Variants in ZNF219 observed in about 807,000 individuals in gnomAD.
ZNF219 encodes the protein zinc finger protein 219.
ZNF219 carries 17 observed loss-of-function variants against 54.4 expected under a neutral mutation model. That is an observed-to-expected ratio of 0.31 (90% CI 0.21 to 0.47). ZNF219 has a LOEUF of 0.47. ZNF219 is among the 20% of genes least tolerant of loss of function. The pLI, the probability that ZNF219 is intolerant of heterozygous loss-of-function variation, is 1.00. For synonymous variants in ZNF219, 518 were observed against 476.4 expected (o/e 1.09, Z -1.14); for missense variants, 1,014 against 1,062.3 (o/e 0.95, Z 0.63).
chr14:21,098,964 C>A, upstream of ZNF219: 2 of 703,966 alleles, frequency 2.8e-6, no homozygotes, highest in East Asian at 1.9e-4. Context: ...TTAATGTCGG[C>A]CGTATAAGAA....
chr14:21,094,381 C>T (rs749971652), intron 1 of ZNF219: 2 of 455,892 alleles, frequency 4.4e-6, no homozygotes, highest in South Asian at 3.1e-5. Flanking sequence ...GGGCTAAAAA[C>T]TGCAAATACC....
Position 21,092,591 on chromosome 14 carries a change from G to A in ZNF219, c.706C>T (p.Pro236Ser). The change falls in exon 3 of 5, where the codon CCC becomes TCC. Residue 236 changes from proline (P) to serine (S), a missense_variant. Pro to Ser is a moderately conservative substitution (Grantham distance 74, BLOSUM62 -1). This residue lies in a region of ZNF219 where 395 missense variants were observed against 415.1 expected (regional missense o/e 0.95). Transcript: ENST00000360947. ...GGGACTGATCTGGGTTCGGGCTGGG[G>A]TGGAGGCTGAGGCTGAGGCTGAGGC... is the stretch of plus-strand genomic sequence containing the variant. ...PPPQPQPQPPPQPEPRSVPQP... is the reference protein window; with the variant it reads ...PPPQPQPQPPSQPEPRSVPQP... 2 of 1,541,544 alleles carry A rather than the reference G, an allele frequency of 1.3e-6. No homozygotes were observed. Among genetic ancestry groups the A allele is most frequent in the Non-Finnish European group, 1.7e-6 (2 of 1,145,694 alleles).
At chr14:21,094,735 G>GGGGGC (rs1266434149) in intron 1 of ZNF219, among the ~76,000 whole-genome samples, 2 of 85,114 alleles carry the variant, frequency 2.3e-5, no homozygotes, top group Non-Finnish European at 5.2e-5. Context: ...TTGGGGGGGG[G>GGGGGC]GGCGGGTGCT....
rs371532876 is a variant in ZNF219, at chr14:21,092,627, C to A, written c.670G>T (p.Ala224Ser). The A allele has an allele frequency of 1.3e-6, 2 of 1,556,728 alleles. No homozygotes were observed. Among genetic ancestry groups the A allele is most frequent in the East Asian group, 2.3e-5 (1 of 42,646 alleles). The stretch of plus-strand genomic sequence containing the variant: ...GGCTGAGGCTGAGGCGGAGGCGCAG[C>A]GGAGGTGGCCGCCAGGGGACGCTCG... ...APERPLAATS[A>S]APPPQPQPQP... Residue 224 changes from alanine to serine, a missense_variant, in exon 3 of 5, where the codon GCT becomes TCT. Transcript: ENST00000360947.
chr14:21,093,417 G>A (rs970547962), intron 2 of ZNF219, 127 bp from the exon 3 acceptor site: 21 of 1,456,784 alleles, frequency 1.4e-5, no homozygotes, highest in Non-Finnish European at 1.9e-5. Flanking sequence ...AGGAACACAG[G>A]GTGCTACTCA....
At chr14:21,101,766 G>A, upstream of ZNF219, 1 of 932,842 alleles carries the variant, frequency 1.1e-6, no homozygotes, top group Non-Finnish European at 1.6e-6. Context: ...CCTCCACCCT[G>A]CATTCAATCC....
Position 21,092,519 on chromosome 14 carries a change from G to A in ZNF219, c.778C>T (p.Pro260Ser). ...PEPEREATPT[P>S]APAAPEEPPA... ...GGCTCCTCGGGAGCGGCAGGAGCTG[G>A]GGTCGGGGTTGCCTCACGTTCGGGC... The change falls in exon 3 of 5, where the codon CCA (proline) becomes TCA (serine). Residue 260 changes from proline (P) to serine (S), a missense_variant. By Grantham distance (74) the Pro-to-Ser change is moderately conservative. This residue lies in a region of ZNF219 where 395 missense variants were observed against 415.1 expected (regional missense o/e 0.95). Transcript: ENST00000360947. 1.9e-6 allele frequency: 3 copies of A among 1,550,146 alleles called. No homozygotes were observed. The highest frequency in any genetic ancestry group is 2.6e-6 in the Non-Finnish European group (3 of 1,146,748).
intron 1 of ZNF219, chr14:21,097,266 G>T (rs1414901094): frequency 6.6e-6 from 1 of 152,280 alleles, no homozygotes; most frequent in Non-Finnish European, 1.5e-5. Flanking sequence ...TTAGGGACAT[G>T]GAACCTCAGC....
upstream of ZNF219, chr14:21,103,542 T>C: frequency 5.0e-6 from 2 of 399,812 alleles, no homozygotes; most frequent in Non-Finnish European, 9.1e-6. Flanking sequence ...TCTGTCCACC[T>C]TTCATAATCC....
upstream of ZNF219, chr14:21,103,210 G>C: frequency 1.3e-6 from 2 of 1,551,708 alleles, no homozygotes; most frequent in South Asian, 2.4e-5. Context: ...GAGCAAATGA[G>C]AGGGTGGGAC....
Position 21,093,285 on chromosome 14 carries a change from T to C in ZNF219, c.12A>G (p.Ser4=), listed in dbSNP as rs756425958. 2 of 1,579,106 alleles carry C rather than the reference T, an allele frequency of 1.3e-6. No homozygotes were observed. The highest frequency in any genetic ancestry group is 1.7e-6 in the Non-Finnish European group (2 of 1,170,632). Residue 4 remains serine (S), a synonymous_variant, in exon 3 of 5, where the codon TCA becomes TCG. Transcript: ENST00000360947. ...AGTGGCCGCTCGGGGCGCGGGGACG[T>C]GAGCCCTGTGGAGAAAGATCTGCGT... is the stretch of plus-strand genomic sequence containing the variant. MEG[S]RPRAPSGHLA...
chr14:21,093,746 A>C, intron 1 of ZNF219, 72 bp from the exon 2 acceptor site: 1 of 1,373,724 alleles, frequency 7.3e-7, no homozygotes, highest in Non-Finnish European at 1.0e-6. Context: ...CCCTACCCCC[A>C]GACTCTCAGC....
chr14:21,101,941 T>C (rs942716993), upstream of ZNF219: 8 of 1,551,544 alleles, frequency 5.2e-6, no homozygotes, highest in African/African-American at 8.2e-5. Context: ...GATTGTCACA[T>C]GGCCACAGCG....
chr14:21,102,463 T>C (rs949558369), upstream of ZNF219: 2 of 1,551,586 alleles, frequency 1.3e-6, no homozygotes, highest in Middle Eastern at 1.7e-4. Context: ...ATAGTGGTGG[T>C]GGTCGAGGTG....
Position 21,092,950 on chromosome 14 carries a change from G to A in ZNF219, c.347C>T (p.Ala116Val). ...TTCCAACTCCAGCAACAGGCGTGCA[G>A]CAGGACTACGTGGGCGCTCGGGCTG... ...THQPERPRSP[A>V]ARLLLELEER... is the part of the protein sequence containing the mutation. Residue 116 changes from alanine to valine, a missense_variant, in exon 3 of 5, where the codon GCT (alanine) becomes GTT (valine). By Grantham distance (64) the Ala-to-Val change is moderately conservative (BLOSUM62 0). Coordinates refer to ENST00000360947, the MANE Select transcript of ZNF219 (RefSeq NM_016423.3). 6.3e-7 allele frequency: 1 copy of A among 1,581,516 alleles called. No homozygotes were observed. Among genetic ancestry groups the A allele is most frequent in the Non-Finnish European group, 8.6e-7 (1 of 1,165,638 alleles).
upstream of ZNF219, chr14:21,101,138 A>G (rs1889598823): frequency 1.3e-5 from 6 of 478,692 alleles, no homozygotes; most frequent in South Asian, 1.3e-4. Context: ...TAGGAGACCT[A>G]GGACCCAGCT....
upstream of ZNF219, chr14:21,101,501 A>C: frequency 6.8e-7 from 1 of 1,478,672 alleles, no homozygotes; most frequent in Non-Finnish European, 9.2e-7. Context: ...ACTTCTACCC[A>C]ATTCAATTCC....
At chr14:21,101,212 C>A (rs550584769), upstream of ZNF219, 2 of 814,438 alleles carry the variant, frequency 2.5e-6, no homozygotes, top group African/African-American at 1.7e-5. Flanking sequence ...GACCTCAAAT[C>A]CCTGGATATT....
upstream of ZNF219, chr14:21,102,810 C>G (rs1222125142): frequency 1.1e-5 from 17 of 1,541,150 alleles, no homozygotes; most frequent in Non-Finnish European, 1.3e-5. Context: ...GCACGAATAG[C>G]TAGCTGCCAA....
Sources: allele counts gnomAD v4.1 joint callset (sites outside exome capture counted in the v4.1 genomes callset), GRCh38; gene constraint gnomAD v4.1.1; regional missense constraint gnomAD v4.1.1; transcripts MANE v1.5; gene names NCBI Gene and HGNC (gene_info 2026-07-23, HGNC 2026-07-21).